Variants in GPC6 observed in about 807,000 individuals in gnomAD.
GPC6 encodes glypican 6.
A neutral mutation model predicts 55.2 loss-of-function variants in GPC6; 14 were observed. The observed-to-expected ratio is 0.25, with a 90% confidence interval of 0.17 to 0.40. The LOEUF is 0.40. Ranked by LOEUF, GPC6 falls within the 10% of genes least tolerant of loss-of-function variation. The pLI is 1.00. For synonymous variants in GPC6, 278 were observed against 259.6 expected (o/e 1.07, Z -0.68); for missense variants, 641 against 708.5 (o/e 0.90, Z 1.08).
chr13:94,367,922 G>A (rs191238460), intron 6 of GPC6, among the ~76,000 whole-genome samples: 61 of 151,934 alleles, frequency 4.0e-4, no homozygotes, highest in Middle Eastern at 3.4e-3. Flanking sequence ...AGGCTGAGGC[G>A]GGCGGATCAT....
intron 1 of GPC6, among the ~76,000 whole-genome samples, chr13:93,320,171 G>A (rs2139121383): frequency 6.6e-6 from 1 of 152,206 alleles, no homozygotes; most frequent in East Asian, 1.9e-4. Flanking sequence ...AGACTATTTG[G>A]CTTATCAGAG....
In GPC6 at chr13:93,501,874, A is replaced by T. The variant is rs1049018525; in HGVS notation, c.161-43389A>T. 8.5e-5 allele frequency among the ~76,000 whole-genome samples: 13 copies of T among 152,128 alleles called. 1 individual carries two copies. The highest frequency in any genetic ancestry group is 2.0e-4 in the Admixed American group (3 of 15,252). ...AACCATAGTAGTAGTCTTTTCACATAATTCTTTTTTACAGTTTTCAGATAA... is the reference window on the plus strand; with the variant it reads ...AACCATAGTAGTAGTCTTTTCACATTATTCTTTTTTACAGTTTTCAGATAA... On this transcript the variant is annotated intron_variant, in intron 1 of 8. Transcript: ENST00000377047.
At chr13:93,255,337 A>C (rs746432234) in intron 1 of GPC6, among the ~76,000 whole-genome samples, 34 of 152,190 alleles carry the variant, frequency 2.2e-4, no homozygotes, top group Non-Finnish European at 4.0e-4. Context: ...TCTTCTTTTT[A>C]TACTAGAACC....
chr13:94,270,345 G>A (rs1038721309), intron 4 of GPC6, among the ~76,000 whole-genome samples: 1 of 152,120 alleles, frequency 6.6e-6, no homozygotes, highest in Non-Finnish European at 1.5e-5. Context: ...CCAACAATAA[G>A]ACAATTGCTA....
intron 4 of GPC6, among the ~76,000 whole-genome samples, chr13:94,237,288 C>A (rs1890907353): frequency 6.7e-6 from 1 of 149,194 alleles, no homozygotes; most frequent in Non-Finnish European, 1.5e-5. Context: ...TTCCCCCTTT[C>A]TTCCTCCCTT....
chr13:93,362,548 A>C (rs1566317402), intron 1 of GPC6, among the ~76,000 whole-genome samples: 1 of 152,174 alleles, frequency 6.6e-6, no homozygotes, highest in African/African-American at 2.4e-5. Flanking sequence ...TTTACTAAAA[A>C]ACATAACTGT....
intron 2 of GPC6, among the ~76,000 whole-genome samples, chr13:93,699,165 A>G (rs573274987): frequency 3.9e-5 from 6 of 152,268 alleles, no homozygotes; most frequent in South Asian, 4.1e-4. Context: ...TTTCCTATGC[A>G]TGAGAAACTA....
At chr13:94,090,728 A>C (rs1885450157) in intron 4 of GPC6, among the ~76,000 whole-genome samples, 1 of 152,150 alleles carries the variant, frequency 6.6e-6, no homozygotes, top group South Asian at 2.1e-4. Context: ...GATGATCTCC[A>C]TTTTATGGAT....
chr13:93,973,500 G>A (rs375349134), intron 3 of GPC6, among the ~76,000 whole-genome samples: 35 of 151,642 alleles, frequency 2.3e-4, no homozygotes, highest in African/African-American at 7.5e-4. Context: ...AGTTAATTAA[G>A]CCAAAAAAAG....
chr13:93,470,300 A>G (rs896314783), intron 1 of GPC6, among the ~76,000 whole-genome samples: 2 of 151,714 alleles, frequency 1.3e-5, no homozygotes, highest in Non-Finnish European at 2.9e-5. Flanking sequence ...TTTTATTTCT[A>G]GTTTGCTGCA....
chr13:94,381,230 G>A (rs1241247278), intron 6 of GPC6, among the ~76,000 whole-genome samples: 3 of 151,954 alleles, frequency 2.0e-5, no homozygotes, highest in Non-Finnish European at 2.9e-5. Context: ...ATTTTTTTAC[G>A]TCTGTATTCG....
At chr13:93,902,252 A>G (rs1876401832) in intron 3 of GPC6, among the ~76,000 whole-genome samples, 1 of 151,830 alleles carries the variant, frequency 6.6e-6, no homozygotes, top group Non-Finnish European at 1.5e-5. Flanking sequence ...GTTCTACTCT[A>G]CTTCATGAGA....
intron 2 of GPC6, among the ~76,000 whole-genome samples, chr13:93,828,272 C>T (rs966735969): frequency 4.9e-4 from 75 of 152,176 alleles, no homozygotes; most frequent in African/African-American, 1.6e-3. Context: ...CAATCTGTTA[C>T]GCCTTCCACC....
chr13:93,665,793 A>G (rs781666073), intron 2 of GPC6, among the ~76,000 whole-genome samples: 5 of 152,172 alleles, frequency 3.3e-5, no homozygotes, highest in African/African-American at 1.2e-4. Flanking sequence ...CTTGTCATGT[A>G]TGTAATTCAG....
chr13:93,573,024 G>A (rs1352781545), intron 2 of GPC6, among the ~76,000 whole-genome samples: 1 of 152,032 alleles, frequency 6.6e-6, no homozygotes, highest in East Asian at 1.9e-4. Flanking sequence ...AGGGGAAAAG[G>A]TTAGAGTATT....
At chr13:93,352,070 G>A (rs893139722) in intron 1 of GPC6, among the ~76,000 whole-genome samples, 2 of 152,092 alleles carry the variant, frequency 1.3e-5, no homozygotes, top group African/African-American at 2.4e-5. Flanking sequence ...GCAAATAATT[G>A]GAGGATGGGG....
intron 1 of GPC6, among the ~76,000 whole-genome samples, chr13:93,418,928 C>G (rs1876818363): frequency 1.3e-5 from 2 of 150,930 alleles, no homozygotes; most frequent in Non-Finnish European, 3.0e-5. Flanking sequence ...ATTAATAGCA[C>G]TATACCATAG....
chr13:93,474,810 CT>C (rs766923500), intron 1 of GPC6, among the ~76,000 whole-genome samples: 73 of 152,064 alleles, frequency 4.8e-4, no homozygotes, highest in Non-Finnish European at 8.5e-4. Context: ...GGGGTCGAAA[CT>C]TTTTTATTCC....
At chr13:94,030,201 G>C (rs1031287412) in intron 4 of GPC6, among the ~76,000 whole-genome samples, 1 of 152,036 alleles carries the variant, frequency 6.6e-6, no homozygotes, top group Non-Finnish European at 1.5e-5. Flanking sequence ...AGTAGAGACG[G>C]GTTTTCACCG....
Sources: gnomAD v4.1 joint callset for allele counts (sites outside exome capture counted in the v4.1 genomes callset) on GRCh38, gnomAD v4.1.1 for gene constraint, MANE v1.5 for transcripts, NCBI Gene and HGNC (gene_info 2026-07-23, HGNC 2026-07-21) for gene names.